The following CAMTA1 variants were observed in gnomAD, a reference collection of about 807,000 sequenced individuals.
The protein encoded by CAMTA1 is calmodulin binding transcription activator 1, also known as calmodulin-binding transcription activator 1.
Under a neutral mutation model 170.9 loss-of-function variants are expected in CAMTA1, and 27 were observed. That is an observed-to-expected ratio of 0.16 (90% CI 0.12 to 0.22). The LOEUF (loss-of-function observed/expected upper bound fraction) is 0.22, where lower values mean the gene tolerates loss of function less well. Ranked by LOEUF, CAMTA1 falls within the 10% of genes least tolerant of loss-of-function variation. The pLI, the probability that CAMTA1 is intolerant of heterozygous loss-of-function variation, is 1.00. For missense variants in CAMTA1, 1,619 were observed against 2,217.2 expected (o/e 0.73, Z 5.42); for synonymous variants, 833 against 891.5 (o/e 0.93, Z 1.17).
intron 4 of CAMTA1, among the ~76,000 whole-genome samples, chr1:7,097,385 G>T (rs1277679346): frequency 2.0e-5 from 3 of 152,196 alleles, no homozygotes; most frequent in African/African-American, 7.2e-5. Context: ...CCATCCATGG[G>T]GTTCTTTGTC....
chr1:7,346,477 G>T lies in CAMTA1; in HGVS notation c.438+96851G>T, dbSNP rs1168691116. Among the ~76,000 whole-genome samples, 9 of 152,270 alleles carry T rather than the reference G, an allele frequency of 5.9e-5. No homozygotes were observed. In the East Asian group the frequency reaches 1.5e-3, roughly 26 times the overall value. On this transcript the variant is annotated intron_variant, in intron 5 of 22. Coordinates refer to ENST00000303635, the MANE Select transcript of CAMTA1 (RefSeq NM_015215.4). Reference sequence around the variant, plus strand: ...TAGCCTAAAATGTAAACAGCTGAGAGCTTTCTTCTTAACTGGGTGAAATTT... The same window carrying T: ...TAGCCTAAAATGTAAACAGCTGAGATCTTTCTTCTTAACTGGGTGAAATTT...
chr1:7,050,374 C>T lies in CAMTA1; in HGVS notation c.235-40930C>T, dbSNP rs1295965132. ...GCATCTGTCTGCTCCGGGGCCAGGG[C>T]GGAGAAGCCTGAAGCTGAGTCCCTG... On this transcript the variant is annotated intron_variant, in intron 3 of 22. Coordinates refer to ENST00000303635, the MANE Select transcript of CAMTA1 (RefSeq NM_015215.4). The surrounding 1 kb of genome is among the most constrained non-coding windows in gnomAD (Gnocchi z 4.8). Among the ~76,000 whole-genome samples, 2 of 152,260 alleles carry T rather than the reference C, an allele frequency of 1.3e-5. No homozygotes were observed. The highest frequency in any genetic ancestry group is 3.9e-4 in the East Asian group (2 of 5,180).
At position 7,230,989 on chromosome 1, in the gene CAMTA1, T is replaced by C. The variant is rs550445483; in HGVS notation, c.303-18502T>C. Among the ~76,000 whole-genome samples the C allele has an allele frequency of 5.3e-5, 8 of 151,894 alleles. No individual in the cohort carries two copies. The East Asian group carries it at 1.4e-3, about 26-fold the overall frequency. On this transcript the variant is annotated intron_variant, in intron 4 of 22. Coordinates refer to ENST00000303635, the MANE Select transcript of CAMTA1 (RefSeq NM_015215.4). ...AGGGACCCCCCAGGAGCCTGGAGGG[T>C]GTGGCAGCAAATAGGAGCCATGGCT...
At position 7,580,954 on chromosome 1, in the gene CAMTA1, A is replaced by G. The variant is rs2095255567; in HGVS notation, c.511-59446A>G. ...TCTGTAAATGGGATAATAATAGAAA[A>G]TACCCTAAAAGGTTGTTGAGAAAAT... On this transcript the variant is annotated intron_variant, in intron 6 of 22. Transcript: ENST00000303635. This position sits in a 1 kb window ranked among gnomAD's most constrained non-coding sequence, Gnocchi z 4.3. 6.6e-6 allele frequency among the ~76,000 whole-genome samples: 1 copy of G among 152,212 alleles called. No homozygotes were observed. Among genetic ancestry groups the G allele is most frequent in the South Asian group, 2.1e-4 (1 of 4,834 alleles).
rs1044560000 is a variant in CAMTA1 at position 7,565,297 on chromosome 1, G to A, written c.511-75103G>A. ...AGTGGGCGCTGCCTTTGGGGCCCAC[G>A]GGCCTATGGGGATGGGAGTGAGGCA... On this transcript the variant is annotated intron_variant, in intron 6 of 22. Transcript: ENST00000303635. This position sits in a 1 kb window ranked among gnomAD's most constrained non-coding sequence, Gnocchi z 4.5. Among the ~76,000 whole-genome samples the A allele has an allele frequency of 1.3e-5, 2 of 152,148 alleles. 1 individual carries two copies. The highest frequency in any genetic ancestry group is 4.1e-4 in the South Asian group (2 of 4,828).
At chr1:7,254,336 G>A (rs2149325128) in intron 5 of CAMTA1, among the ~76,000 whole-genome samples, 1 of 152,292 alleles carries the variant, frequency 6.6e-6, no homozygotes, top group South Asian at 2.1e-4. Flanking sequence ...ACAGCACAGA[G>A]GCTGTTGGTT....
intron 5 of CAMTA1, among the ~76,000 whole-genome samples, chr1:7,344,343 A>G (rs554829620): frequency 5.3e-5 from 8 of 152,324 alleles, no homozygotes; most frequent in South Asian, 2.1e-4. Flanking sequence ...GAGCCAACCC[A>G]GAAGCTCAGA....
intron 4 of CAMTA1, among the ~76,000 whole-genome samples, chr1:7,220,423 G>A (rs565035290): frequency 1.2e-4 from 19 of 152,280 alleles, no homozygotes; most frequent in East Asian, 3.9e-4. Flanking sequence ...GTTGAGTCTC[G>A]CCTGCTGTGG....
intron 7 of CAMTA1, among the ~76,000 whole-genome samples, chr1:7,649,489 CT>C (rs2095833773): frequency 6.6e-6 from 1 of 152,212 alleles, no homozygotes; most frequent in Non-Finnish European, 1.5e-5. Context: ...TTCCTGGCTC[CT>C]GCCAGAATGC....
At chr1:7,544,986 C>T (rs767717011) in intron 6 of CAMTA1, among the ~76,000 whole-genome samples, 72 of 152,188 alleles carry the variant, frequency 4.7e-4, no homozygotes, top group Non-Finnish European at 5.9e-4. Flanking sequence ...CCACCCCCAA[C>T]ACTGCCACAC....
At chr1:7,749,522 A>G (rs985573278) in intron 19 of CAMTA1, among the ~76,000 whole-genome samples, 1 of 152,082 alleles carries the variant, frequency 6.6e-6, no homozygotes, top group Non-Finnish European at 1.5e-5. Flanking sequence ...TGATTCCAAA[A>G]TATGAGTTTG....
intron 4 of CAMTA1, among the ~76,000 whole-genome samples, chr1:7,104,393 G>A (rs1643374149): frequency 7.2e-6 from 1 of 138,444 alleles, no homozygotes; most frequent in Non-Finnish European, 1.6e-5. Context: ...CACACACACA[G>A]CTTCCTGTGT....
chr1:7,090,679 T>A (rs1246869871), intron 3 of CAMTA1, among the ~76,000 whole-genome samples: 1 of 152,210 alleles, frequency 6.6e-6, no homozygotes, highest in East Asian at 1.9e-4. Context: ...GATGCCCACA[T>A]TTTCCTCATC....
chr1:7,005,933 G>C (rs1216852651), intron 3 of CAMTA1, among the ~76,000 whole-genome samples: 1 of 152,368 alleles, frequency 6.6e-6, no homozygotes, highest in Middle Eastern at 3.4e-3. Context: ...TGCTGCCCCA[G>C]ATCTGGCTGT....
In CAMTA1 at chr1:6,820,877, C is replaced by G. The variant is rs531193961; in HGVS notation, c.115+627C>G. On this transcript the variant is annotated intron_variant, in intron 2 of 22. Coordinates refer to ENST00000303635, the MANE Select transcript of CAMTA1 (RefSeq NM_015215.4). ...ATGAAGTAGAGGAGGAGAGAATGTC[C>G]CAAAACCCAAATTGAAGTGATGGCT... is the stretch of plus-strand genomic sequence containing the variant. 1.1e-4 allele frequency among the ~76,000 whole-genome samples: 17 copies of G among 152,238 alleles called. No homozygotes were observed. The South Asian group carries it at 3.3e-3, about 30-fold the overall frequency.
At chr1:7,169,092 A>G (rs1315437705) in intron 4 of CAMTA1, among the ~76,000 whole-genome samples, 1 of 152,216 alleles carries the variant, frequency 6.6e-6, no homozygotes, top group Non-Finnish European at 1.5e-5. Flanking sequence ...ATTATGAATT[A>G]TAGTTATTTT....
chr1:7,462,531 A>G (rs1293643546), intron 5 of CAMTA1, among the ~76,000 whole-genome samples: 1 of 152,234 alleles, frequency 6.6e-6, no homozygotes, highest in African/African-American at 2.4e-5. Flanking sequence ...CTGGGATTAC[A>G]GGCAGGAACC....
chr1:7,128,687 T>C (rs573305058), intron 4 of CAMTA1, among the ~76,000 whole-genome samples: 145 of 152,024 alleles, frequency 9.5e-4, no homozygotes, highest in Non-Finnish European at 1.8e-3. Flanking sequence ...GATGAAGTCT[T>C]GCTGTCACCC....
chr1:7,611,844 T>C (rs375405283), intron 6 of CAMTA1, among the ~76,000 whole-genome samples: 55 of 152,326 alleles, frequency 3.6e-4, no homozygotes, highest in African/African-American at 1.3e-3. Context: ...CCAAGCCCCC[T>C]GTCTTGACCT....
Sources: gnomAD v4.1 joint callset for allele counts (sites outside exome capture counted in the v4.1 genomes callset) on GRCh38, gnomAD v4.1.1 for gene constraint, Gnocchi (gnomAD v3.1) non-coding constraint, MANE v1.5 for transcripts, NCBI Gene and HGNC (gene_info 2026-07-23, HGNC 2026-07-21) for gene names.